The following SFMBT2 variants were observed in gnomAD, a reference collection of about 807,000 sequenced individuals.
SFMBT2 encodes scm-like with four MBT domains protein 2.
SFMBT2 carries 38 observed loss-of-function variants against 110.1 expected under a neutral mutation model. That is an observed-to-expected ratio of 0.35 (90% CI 0.27 to 0.45). The LOEUF (loss-of-function observed/expected upper bound fraction) is 0.45. SFMBT2 is among the 20% of genes least tolerant of loss of function. The pLI is 1.00. For missense variants in SFMBT2, 1,011 were observed against 1,094.9 expected (o/e 0.92, Z 1.08); for synonymous variants, 425 against 425.4 (o/e 1.00, Z 0.01).
intron 4 of SFMBT2, among the ~76,000 whole-genome samples, chr10:7,348,620 G>A (rs1322142713): frequency 6.6e-6 from 1 of 152,178 alleles, no homozygotes; most frequent in Non-Finnish European, 1.5e-5. Flanking sequence ...AACTCTTGCT[G>A]CATAACCTAA....
chr10:7,376,593 G>A (rs1041059889), intron 2 of SFMBT2, among the ~76,000 whole-genome samples: 2 of 150,322 alleles, frequency 1.3e-5, no homozygotes, highest in Non-Finnish European at 1.5e-5. Flanking sequence ...CAGCTACTGC[G>A]GAGGCTGAGG....
chr10:7,209,334 C>A (rs774165681), intron 11 of SFMBT2, among the ~76,000 whole-genome samples: 1 of 152,214 alleles, frequency 6.6e-6, no homozygotes, highest in Non-Finnish European at 1.5e-5. Flanking sequence ...TGGCTAAGAT[C>A]AAGCGAAAAA....
At chr10:7,337,605 G>C (rs909742719) in intron 4 of SFMBT2, among the ~76,000 whole-genome samples, 3 of 152,118 alleles carry the variant, frequency 2.0e-5, no homozygotes, top group African/African-American at 7.2e-5. Flanking sequence ...CACCATGATT[G>C]TAAGTTTCCT....
chr10:7,196,152 G>A lies in SFMBT2; in HGVS notation c.1698+1396C>T, dbSNP rs556977308. On this transcript the variant is annotated intron_variant, in intron 15 of 20. Transcript: ENST00000397167. ...TTGAGTCTCGCATCCCTCTGAGGGT[G>A]CCCTATCCATAGATTCAAGTCCAAA... 1.8e-3 allele frequency among the ~76,000 whole-genome samples: 268 copies of A among 151,980 alleles called. 1 individual carries two copies. The highest frequency in any genetic ancestry group is 6.3e-3 in the African/African-American group (259 of 41,426).
chr10:7,196,972 C>T (rs1588792145), intron 15 of SFMBT2, among the ~76,000 whole-genome samples: 1 of 152,240 alleles, frequency 6.6e-6, no homozygotes, highest in Non-Finnish European at 1.5e-5. Context: ...TGGGGAGCCA[C>T]AGCCTCCAAG....
chr10:7,159,190 A>C lies in SFMBT2; in HGVS notation c.*4580T>G, dbSNP rs1160946255. 2 of 152,226 alleles carry C rather than the reference A, an allele frequency of 1.3e-5. No homozygotes were observed. Among genetic ancestry groups the C allele is most frequent in the Non-Finnish European group, 2.9e-5 (2 of 68,046 alleles). The allele number at this position is 152,226 out of a possible 1,614,324, so 9.4% of individuals were successfully genotyped here. A position where few individuals can be genotyped will look rare whatever the true frequency, so the allele number is the denominator to read the frequency against. On this transcript the variant is annotated 3_prime_UTR_variant, in exon 21 of 21. Transcript: ENST00000397167. ...CAAATCCCATTACTTAGTGCCAACA[A>C]TTCAGAAGGATTATGGCCTCTTCCT...
rs34939303 is a variant in SFMBT2, at chr10:7,316,883, AACAC to A, written c.437-30933_437-30930del. On this transcript the variant is annotated intron_variant, in intron 4 of 20. Transcript: ENST00000397167. ...ATGATAACCTCCCTCCCCACACATA[AACAC>A]ACACACACACACATGCAAACCACAC... is the stretch of plus-strand genomic sequence containing the variant. Among the ~76,000 whole-genome samples, 233 of 151,386 alleles carry A rather than the reference AACAC, an allele frequency of 1.5e-3. 3 individuals are homozygous for A. Among genetic ancestry groups the A allele is most frequent in the African/African-American group, 5.2e-3 (216 of 41,236 alleles).
At position 7,351,438 on chromosome 10, in the gene SFMBT2, C is replaced by T. The variant is rs182451958; in HGVS notation, c.436+16211G>A. ...CACAAATCCCATTTAATGCACAAAA[C>T]GATCCTGTAAGGCAGGTCTCATTAT... On this transcript the variant is annotated intron_variant, in intron 4 of 20. Transcript: ENST00000397167. 7.7e-3 allele frequency among the ~76,000 whole-genome samples: 1,172 copies of T among 152,286 alleles called. 15 individuals carry two copies. Among genetic ancestry groups the T allele is most frequent in the Non-Finnish European group, 0.012 (850 of 68,032 alleles).
In SFMBT2 at chr10:7,315,116, A is replaced by AAG. The variant is rs1278252303; in HGVS notation, c.437-29164_437-29163dup. Among the ~76,000 whole-genome samples the AAG allele has an allele frequency of 3.9e-3, 407 of 105,366 alleles. 6 individuals are homozygous for AAG. The highest frequency in any genetic ancestry group is 5.7e-3 in the Non-Finnish European group (238 of 42,086). The allele number at this position is 105,366 out of a possible 152,430, so 69.1% of individuals were successfully genotyped here. A position where few individuals can be genotyped will look rare whatever the true frequency, so the allele number is the denominator to read the frequency against. On this transcript the variant is annotated intron_variant, in intron 4 of 20. Coordinates refer to ENST00000397167, the MANE Select transcript of SFMBT2 (RefSeq NM_001387889.1). ...AGAAAGAAAGAAAGAAAGAAAAAGCAAGCAAGCAAGCCAGCCAATCCGGCA... is the reference window on the plus strand; with the variant it reads ...AGAAAGAAAGAAAGAAAGAAAAAGCAAGAGCAAGCAAGCCAGCCAATCCGGCA...
chr10:7,257,432 G>A (rs1051621398), intron 7 of SFMBT2, among the ~76,000 whole-genome samples: 9 of 152,100 alleles, frequency 5.9e-5, no homozygotes, highest in East Asian at 3.9e-4. Context: ...CCATCGCTGC[G>A]GGAGAAACAC....
chr10:7,366,946 G>A (rs1844926191), intron 4 of SFMBT2, among the ~76,000 whole-genome samples: 2 of 152,190 alleles, frequency 1.3e-5, no homozygotes, highest in Non-Finnish European at 2.9e-5. Context: ...CCCCTGGGGG[G>A]TAAAACTGCC....
chr10:7,241,390 A>G, intron 9 of SFMBT2: 1 of 930,194 alleles, frequency 1.1e-6, no homozygotes. Context: ...ACCATTACTC[A>G]ATATTCTACT....
intron 1 of SFMBT2, among the ~76,000 whole-genome samples, chr10:7,405,867 G>T (rs867785397): frequency 8.1e-6 from 1 of 123,672 alleles, no homozygotes; most frequent in Admixed American, 1.1e-4. Flanking sequence ...TTCCTTAGCA[G>T]CTAGTGTTAA....
rs924305408 is a variant in SFMBT2 at position 7,351,939 on chromosome 10, G to A, written c.436+15710C>T. On this transcript the variant is annotated intron_variant, in intron 4 of 20. Coordinates refer to ENST00000397167, the MANE Select transcript of SFMBT2 (RefSeq NM_001387889.1). ...TTCCACATGACAGGTTACAGAGAGC[G>A]TTTGCCATCAAACCGAGAGCAAGAT... Among the ~76,000 whole-genome samples the A allele has an allele frequency of 4.6e-5, 7 of 151,960 alleles. No homozygotes were observed. The South Asian group carries it at 6.3e-4, about 14-fold the overall frequency.
At chr10:7,393,537 T>A (rs902795021) in intron 1 of SFMBT2, among the ~76,000 whole-genome samples, 1 of 152,156 alleles carries the variant, frequency 6.6e-6, no homozygotes, top group African/African-American at 2.4e-5. Context: ...TCCCAGGCAT[T>A]CTACTGTGAG....
intron 16 of SFMBT2, among the ~76,000 whole-genome samples, chr10:7,179,391 GAAAAAAAAAAAAA>G (rs57497418): frequency 5.7e-5 from 4 of 70,300 alleles, no homozygotes; most frequent in Admixed American, 2.2e-4. Flanking sequence ...TTGCATTTTC[GAAAAAAAAAAAAA>G]AAAAAAAAAA....
At chr10:7,231,134 C>T (rs1840103825) in intron 9 of SFMBT2, among the ~76,000 whole-genome samples, 2 of 152,124 alleles carry the variant, frequency 1.3e-5, no homozygotes, top group African/African-American at 4.8e-5. Flanking sequence ...GGATGACGAG[C>T]AGTTACCTAA....
chr10:7,270,550 A>T (rs1308656064), intron 7 of SFMBT2, among the ~76,000 whole-genome samples: 2 of 152,252 alleles, frequency 1.3e-5, no homozygotes, highest in African/African-American at 4.8e-5. Context: ...GTATCTCACC[A>T]GCTTTAAGAA....
At chr10:7,177,169 C>A (rs1322056695) in intron 16 of SFMBT2, among the ~76,000 whole-genome samples, 1 of 152,164 alleles carries the variant, frequency 6.6e-6, no homozygotes, top group Non-Finnish European at 1.5e-5. Flanking sequence ...CGCAATTCCC[C>A]ACAGACTCAA....
Sources: allele counts gnomAD v4.1 joint callset (sites outside exome capture counted in the v4.1 genomes callset), GRCh38; gene constraint gnomAD v4.1.1; transcripts MANE v1.5; gene names NCBI Gene and HGNC (gene_info 2026-07-23, HGNC 2026-07-21).